TLE4: variants seen among roughly 807,000 people sequenced by gnomAD.
TLE4 encodes the protein TLE family member 4, transcriptional corepressor, also known as transducin-like enhancer protein 4.
A neutral mutation model predicts 92.8 loss-of-function variants in TLE4; 8 were observed. The observed-to-expected ratio is 0.09, with a 90% CI of 0.05 to 0.16. The LOEUF is 0.16. Ranked by LOEUF, TLE4 falls within the 10% of genes least tolerant of loss-of-function variation. The probability of loss-of-function intolerance (pLI) is 1.00; values close to 1 mark genes in which losing one functional copy is unlikely to be tolerated. For missense variants in TLE4, 675 were observed against 997.6 expected (o/e 0.68, Z 4.36); for synonymous variants, 371 against 374.1 (o/e 0.99, Z 0.10).
chr9:79,620,020 G>T lies in TLE4; in HGVS notation c.315+7302G>T, dbSNP rs372704553. Among the ~76,000 whole-genome samples the T allele has an allele frequency of 3.6e-4, 55 of 152,320 alleles. No individual in the cohort carries two copies. The South Asian group carries it at 0.011, about 32-fold the overall frequency. ...GGCATCATGGCCTGTTTGACCTCAA[G>T]AAGTGAAAGATGATTCTCAGGAGGT... is the stretch of plus-strand genomic sequence containing the variant. On this transcript the variant is annotated intron_variant, in intron 5 of 19. Transcript: ENST00000376552.
rs1346392267 is a variant in TLE4 at position 79,586,318 on chromosome 9, G to A, written c.252+10141G>A. ...TCAGAAGTTGCGGTGAGCCAAGATC[G>A]CGCCACTGCACTCCAGCCTGACGTC... is the stretch of plus-strand genomic sequence containing the variant. On this transcript the variant is annotated intron_variant, in intron 4 of 19. Transcript: ENST00000376552. Among the ~76,000 whole-genome samples the A allele has an allele frequency of 3.3e-5, 5 of 151,492 alleles. No individual in the cohort carries two copies. In the East Asian group the frequency reaches 7.8e-4, roughly 24 times the overall value.
At chr9:79,638,642 C>T (rs778441482) in intron 6 of TLE4, among the ~76,000 whole-genome samples, 6 of 151,896 alleles carry the variant, frequency 4.0e-5, no homozygotes, top group Non-Finnish European at 7.4e-5. Flanking sequence ...ACTATGGTCC[C>T]GAAGCAAAGT....
chr9:79,710,162 C>T (rs1322611978), intron 14 of TLE4, among the ~76,000 whole-genome samples: 1 of 152,234 alleles, frequency 6.6e-6, no homozygotes, highest in Non-Finnish European at 1.5e-5. Flanking sequence ...GCATCTGGAG[C>T]CTCTGTATTC....
chr9:79,723,113 C>T, intron 19 of TLE4, 78 bp downstream of exon 19: 2 of 1,389,018 alleles, frequency 1.4e-6, no homozygotes, highest in South Asian at 2.4e-5. Context: ...TAATAATGTG[C>T]AGAAGTGTCC....
chr9:79,575,810 A>T (rs374527372), intron 3 of TLE4: 1 of 218,756 alleles, frequency 4.6e-6, no homozygotes. Flanking sequence ...TGCTGTGCTT[A>T]GGAATTAAGA....
chr9:79,579,450 G>A (rs2038989940), intron 4 of TLE4, among the ~76,000 whole-genome samples: 1 of 152,156 alleles, frequency 6.6e-6, no homozygotes, highest in African/African-American at 2.4e-5. Context: ...CAACCTATAG[G>A]AACTATATGG....
intron 8 of TLE4, among the ~76,000 whole-genome samples, chr9:79,685,762 G>C (rs1321013135): frequency 6.6e-6 from 1 of 152,164 alleles, no homozygotes; most frequent in African/African-American, 2.4e-5. Flanking sequence ...TAGTATGTAA[G>C]AGTGCATGAT....
intron 8 of TLE4, among the ~76,000 whole-genome samples, chr9:79,700,539 C>A (rs938358763): frequency 6.6e-6 from 1 of 152,134 alleles, no homozygotes; most frequent in Admixed American, 6.5e-5. Context: ...GAACTAGAAT[C>A]TTCTCATAGT....
intron 14 of TLE4, among the ~76,000 whole-genome samples, chr9:79,716,912 A>G (rs2074607266): frequency 6.6e-6 from 1 of 152,338 alleles, no homozygotes; most frequent in Non-Finnish European, 1.5e-5. Context: ...GCACACTGGC[A>G]TACTCAAGAA....
rs541088262 is a variant in TLE4 at position 79,617,175 on chromosome 9, A to G, written c.315+4457A>G. Among the ~76,000 whole-genome samples the G allele has an allele frequency of 4.6e-5, 7 of 152,314 alleles. No individual in the cohort carries two copies. The South Asian group carries it at 8.3e-4, about 18-fold the overall frequency. ...TGGCAGTCTTCCTGCAGAGTTAGCT[A>G]GGCCTTGCAGCTCCAGTAGCTGCTT... On this transcript the variant is annotated intron_variant, in intron 5 of 19. Coordinates refer to ENST00000376552, the MANE Select transcript of TLE4 (RefSeq NM_007005.6).
At chr9:79,665,021 C>T (rs1397007727) in intron 8 of TLE4, among the ~76,000 whole-genome samples, 2 of 152,036 alleles carry the variant, frequency 1.3e-5, no homozygotes, top group African/African-American at 2.4e-5. Flanking sequence ...TGAAAATTTC[C>T]TTTATAACAA....
At chr9:79,699,697 T>G (rs972400688) in intron 8 of TLE4, among the ~76,000 whole-genome samples, 1 of 152,220 alleles carries the variant, frequency 6.6e-6, no homozygotes, top group Non-Finnish European at 1.5e-5. Flanking sequence ...ATGTTCTTTC[T>G]GGTTGTTATC....
rs2060026200 is a variant in TLE4 at position 79,658,180 on chromosome 9, C to T, written c.609+4105C>T. On this transcript the variant is annotated intron_variant, in intron 8 of 19. Coordinates refer to ENST00000376552, the MANE Select transcript of TLE4 (RefSeq NM_007005.6). ...ACTTGTGCAGTGCCAAATTGATCTCCTAAAACCCTGTACTAATTTAAAATG... is the reference window on the plus strand; with the variant it reads ...ACTTGTGCAGTGCCAAATTGATCTCTTAAAACCCTGTACTAATTTAAAATG... Among the ~76,000 whole-genome samples, 5 of 152,136 alleles carry T rather than the reference C, an allele frequency of 3.3e-5. No individual in the cohort carries two copies. In the South Asian group the frequency reaches 1.0e-3, roughly 31 times the overall value.
At chr9:79,705,801 G>C (rs1565071065) in intron 9 of TLE4, 88 bp from the exon 10 acceptor site, 1 of 1,271,642 alleles carries the variant, frequency 7.9e-7, no homozygotes, top group Non-Finnish European at 1.2e-6. Context: ...ATCTTTATAA[G>C]ATATGAGGAA....
chr9:79,655,245 G>T (rs577027028), intron 8 of TLE4, among the ~76,000 whole-genome samples: 2 of 152,292 alleles, frequency 1.3e-5, no homozygotes, highest in South Asian at 4.1e-4. Context: ...AGAAGGAAAG[G>T]ACAGTTCTCA....
intron 8 of TLE4, among the ~76,000 whole-genome samples, chr9:79,702,455 T>G (rs2070214593): frequency 6.6e-6 from 1 of 152,046 alleles, no homozygotes; most frequent in Admixed American, 6.6e-5. Flanking sequence ...ACCTACTGAG[T>G]GCATTGGGTT....
At chr9:79,598,189 C>T (rs543938496) in intron 4 of TLE4, among the ~76,000 whole-genome samples, 3 of 147,586 alleles carry the variant, frequency 2.0e-5, no homozygotes, top group Non-Finnish European at 4.4e-5. Flanking sequence ...GCGGAGGTTG[C>T]TGTGAGCTGA....
At chr9:79,703,076 C>G (rs900407672) in intron 8 of TLE4, among the ~76,000 whole-genome samples, 10 of 151,634 alleles carry the variant, frequency 6.6e-5, no homozygotes, top group Non-Finnish European at 1.5e-5. Context: ...AAAACCCGTT[C>G]AAAGAGTTAG....
At chr9:79,664,592 G>A (rs2061076589) in intron 8 of TLE4, among the ~76,000 whole-genome samples, 1 of 152,158 alleles carries the variant, frequency 6.6e-6, no homozygotes, top group South Asian at 2.1e-4. Flanking sequence ...TGACATTTTT[G>A]CCTTTGGGAG....
Sources: allele counts gnomAD v4.1 joint callset (sites outside exome capture counted in the v4.1 genomes callset), GRCh38; gene constraint gnomAD v4.1.1; transcripts MANE v1.5; gene names NCBI Gene and HGNC (gene_info 2026-07-23, HGNC 2026-07-21).